The following DMD variants were observed in gnomAD, a reference collection of about 807,000 sequenced individuals.
The protein encoded by DMD is dystrophin.
Under a neutral mutation model 330.1 loss-of-function variants are expected in DMD, and 63 were observed. The observed-to-expected ratio is 0.19, with a 90% CI of 0.16 to 0.24. The LOEUF (loss-of-function observed/expected upper bound fraction) is 0.24. Ranked by LOEUF, DMD falls within the 10% of genes least tolerant of loss-of-function variation. The pLI, the probability that DMD is intolerant of heterozygous loss-of-function variation, is 1.00. For missense variants in DMD, 3,344 were observed against 2,684.1 expected, an observed-to-expected ratio of 1.25 and a Z score of -5.43; for synonymous variants, 1,223 against 959.8, an observed-to-expected ratio of 1.27 and a Z score of -5.07.
At chrX:32,409,710 C>G (rs1166928480) in intron 30 of DMD, among the ~76,000 whole-genome samples, 3 of 111,870 alleles carry the variant, frequency 2.7e-5, no homozygotes, top group Non-Finnish European at 5.7e-5. Context: ...AGTATTCATA[C>G]TGCTCAAATT....
chrX:32,704,058 A>G lies in DMD; in HGVS notation c.650-4765T>C, dbSNP rs187302518. On this transcript the variant is annotated intron_variant, in intron 7 of 78. Transcript: ENST00000357033. ...TACTGCTAGAGATTTTACTTTATGA[A>G]CAATAACACCGTTTCTGATGAGTGT... Among the ~76,000 whole-genome samples the G allele has an allele frequency of 3.3e-3, 370 of 112,028 alleles. 5 individuals carry two copies. The highest frequency in any genetic ancestry group is 0.029 in the Admixed American group (305 of 10,470).
At chrX:32,790,095 G>C (rs2075707061) in intron 7 of DMD, among the ~76,000 whole-genome samples, 1 of 111,339 alleles carries the variant, frequency 9.0e-6, no homozygotes, top group Non-Finnish European at 1.9e-5. Flanking sequence ...AAAAAATCTG[G>C]GGCTTCAAAA....
chrX:32,883,685 A>G lies in DMD; in HGVS notation c.94-33865T>C, dbSNP rs779039986. Among the ~76,000 whole-genome samples the G allele has an allele frequency of 7.5e-3, 804 of 107,586 alleles. 4 individuals carry two copies. Among genetic ancestry groups the G allele is most frequent in the Non-Finnish European group, 0.012 (604 of 52,013 alleles). 93.4% of individuals were successfully genotyped at this position (107,586 alleles called of 115,157 possible). A position where few individuals can be genotyped will look rare whatever the true frequency, so the allele number is the denominator to read the frequency against. On this transcript the variant is annotated intron_variant, in intron 2 of 78. Coordinates refer to ENST00000357033, the MANE Select transcript of DMD (RefSeq NM_004006.3). The stretch of plus-strand genomic sequence containing the variant: ...TAAAAATACAAAAAATTAGCCGGGC[A>G]TGGTGGCGGGCACCTGTAGTCCCAG...
chrX:33,301,545 C>T (rs112389656), intron 1 of DMD, among the ~76,000 whole-genome samples: 139 of 111,462 alleles, frequency 1.2e-3, no homozygotes, highest in African/African-American at 4.2e-3. Context: ...AGTCCACTGG[C>T]GCCATTATAA....
intron 20 of DMD, among the ~76,000 whole-genome samples, chrX:32,487,564 G>T (rs1045499252): frequency 9.0e-6 from 1 of 111,301 alleles, no homozygotes; most frequent in Admixed American, 9.6e-5. Context: ...TACTCTTTGG[G>T]AGAGAGTAAC....
chrX:31,402,556 G>A (rs2061237669), intron 60 of DMD, among the ~76,000 whole-genome samples: 1 of 111,972 alleles, frequency 8.9e-6, no homozygotes, highest in Non-Finnish European at 1.9e-5. Context: ...TTTACTTCTA[G>A]TGATAATGTT....
chrX:31,292,632 C>A (rs757607035), intron 62 of DMD, among the ~76,000 whole-genome samples: 16 of 111,704 alleles, frequency 1.4e-4, no homozygotes, highest in Non-Finnish European at 2.1e-4. Flanking sequence ...GTTGTACACA[C>A]GTGTGTGCCA....
chrX:32,641,169 C>T (rs1383830216), intron 11 of DMD, among the ~76,000 whole-genome samples: 1 of 110,757 alleles, frequency 9.0e-6, no homozygotes, highest in Non-Finnish European at 1.9e-5. Context: ...TCTAAAGTAG[C>T]CTCCCCTCAA....
chrX:31,547,637 C>T (rs1175248827), intron 55 of DMD, among the ~76,000 whole-genome samples: 1 of 111,683 alleles, frequency 9.0e-6, no homozygotes, highest in African/African-American at 3.3e-5. Context: ...GAGCAGTAAG[C>T]ATGTGTTTGC....
At chrX:32,771,066 C>T (rs1276734897) in intron 7 of DMD, among the ~76,000 whole-genome samples, 2 of 111,689 alleles carry the variant, frequency 1.8e-5, no homozygotes, top group Non-Finnish European at 3.8e-5. Flanking sequence ...CTCTCTGGCA[C>T]TTGACTCCCA....
At chrX:32,349,388 T>A (rs1238946730) in intron 37 of DMD, among the ~76,000 whole-genome samples, 1 of 111,598 alleles carries the variant, frequency 9.0e-6, no homozygotes, top group Admixed American at 9.5e-5. Context: ...CACTAGAACA[T>A]ATTTTATATG....
intron 44 of DMD, among the ~76,000 whole-genome samples, chrX:32,042,466 CT>C (rs1214053235): frequency 2.7e-5 from 3 of 110,667 alleles, no homozygotes; most frequent in Admixed American, 9.7e-5. Flanking sequence ...TCATGATTCA[CT>C]ATCAGGAGAA....
intron 7 of DMD, among the ~76,000 whole-genome samples, chrX:32,705,996 A>T (rs2064596925): frequency 9.2e-6 from 1 of 108,941 alleles, no homozygotes; most frequent in Non-Finnish European, 1.9e-5. Flanking sequence ...ACAATGATAG[A>T]CTGGATTAAG....
chrX:32,625,985 T>C (rs1440757066), intron 11 of DMD, among the ~76,000 whole-genome samples: 1 of 112,536 alleles, frequency 8.9e-6, no homozygotes, highest in Non-Finnish European at 1.9e-5. Context: ...TCAATTGACA[T>C]GTCTTACATG....
intron 60 of DMD, among the ~76,000 whole-genome samples, chrX:31,405,459 C>T (rs1429990469): frequency 1.8e-5 from 2 of 111,123 alleles, no homozygotes; most frequent in Non-Finnish European, 3.8e-5. Context: ...CCAGCAAAAT[C>T]AAAAGTAGTA....
chrX:32,797,136 T>TG (rs1368053894), intron 7 of DMD, among the ~76,000 whole-genome samples: 1 of 111,118 alleles, frequency 9.0e-6, no homozygotes, highest in African/African-American at 3.3e-5. Flanking sequence ...TTTTGTGGGA[T>TG]GGGGGGACAG....
intron 50 of DMD, among the ~76,000 whole-genome samples, chrX:31,814,253 G>A (rs904138273): frequency 1.3e-3 from 142 of 108,237 alleles, no homozygotes; most frequent in African/African-American, 4.7e-3. Flanking sequence ...AGGCCGAGGC[G>A]GGCGGATCAC....
rs548947804 is a variant in DMD at position 32,748,711 on chromosome X, G to C, written c.650-49418C>G. The stretch of plus-strand genomic sequence containing the variant: ...TTATCAATACATAGGGATTGACTAA[G>C]TATAATATGGCAACCAAATTATCCC... On this transcript the variant is annotated intron_variant, in intron 7 of 78. Coordinates refer to ENST00000357033, the MANE Select transcript of DMD (RefSeq NM_004006.3). Among the ~76,000 whole-genome samples, 28 of 112,170 alleles carry C rather than the reference G, an allele frequency of 2.5e-4. No individual in the cohort carries two copies. The South Asian group carries it at 0.01, about 42-fold the overall frequency.
chrX:31,286,198 C>T (rs899657293), intron 62 of DMD, among the ~76,000 whole-genome samples: 1 of 112,211 alleles, frequency 8.9e-6, no homozygotes, highest in African/African-American at 3.2e-5. Flanking sequence ...ACCTAATAAG[C>T]TAAGATGTCA....
Sources: allele counts gnomAD v4.1 joint callset (sites outside exome capture counted in the v4.1 genomes callset), GRCh38; gene constraint gnomAD v4.1.1; transcripts MANE v1.5; gene names NCBI Gene and HGNC (gene_info 2026-07-23, HGNC 2026-07-21).